The following IGF2BP2 variants were observed in gnomAD, a reference collection of about 807,000 sequenced individuals.
The protein encoded by IGF2BP2 is insulin-like growth factor 2 mRNA-binding protein 2.
In IGF2BP2, 17 loss-of-function variants were observed where a neutral mutation model predicts 75.8. That is an observed-to-expected ratio of 0.22 (90% CI 0.15 to 0.34). The LOEUF (loss-of-function observed/expected upper bound fraction) is 0.34. Ranked by LOEUF, IGF2BP2 falls within the 10% of genes least tolerant of loss-of-function variation. The probability of loss-of-function intolerance (pLI) is 1.00; values close to 1 mark genes in which losing one functional copy is unlikely to be tolerated. For missense variants in IGF2BP2, 516 were observed against 772.4 expected, an observed-to-expected ratio of 0.67 and a Z score of 3.93; for synonymous variants, 288 against 295.6, an observed-to-expected ratio of 0.97 and a Z score of 0.26.
chr3:185,672,750 C>T, intron 9 of IGF2BP2, 81 bp from the exon 10 acceptor site: 1 of 1,503,704 alleles, frequency 6.7e-7, no homozygotes, highest in South Asian at 1.2e-5. Context: ...CCTCTCTTGT[C>T]TTAATGGCAC....
chr3:185,685,253 C>A (rs1471961037), intron 7 of IGF2BP2, among the ~76,000 whole-genome samples: 3 of 151,406 alleles, frequency 2.0e-5, no homozygotes, highest in Non-Finnish European at 4.4e-5. Context: ...GAGGCTGAGG[C>A]AGGAGAATTG....
At chr3:185,703,428 T>G (rs1213404359) in intron 2 of IGF2BP2, among the ~76,000 whole-genome samples, 2 of 152,032 alleles carry the variant, frequency 1.3e-5, no homozygotes, top group Non-Finnish European at 2.9e-5. Context: ...TTGCTTAAAG[T>G]AAGGAGGCAA....
At chr3:185,658,190 C>T (rs879258801) in intron 11 of IGF2BP2, 151 bp downstream of exon 11, 12 of 736,818 alleles carry the variant, frequency 1.6e-5, no homozygotes, top group South Asian at 3.4e-5. Context: ...GGGAGTTTGG[C>T]GTGCTCAGGC....
intron 2 of IGF2BP2, among the ~76,000 whole-genome samples, chr3:185,783,960 C>T (rs1483001162): frequency 2.0e-5 from 3 of 152,140 alleles, no homozygotes; most frequent in East Asian, 1.9e-4. Context: ...AACAGCCTGG[C>T]GAGGTGGCTC....
At chr3:185,710,386 C>T (rs1010534284) in intron 2 of IGF2BP2, among the ~76,000 whole-genome samples, 1 of 152,066 alleles carries the variant, frequency 6.6e-6, no homozygotes, top group Non-Finnish European at 1.5e-5. Flanking sequence ...GCAGAGTCTG[C>T]CCCTTGGCCC....
intron 10 of IGF2BP2, among the ~76,000 whole-genome samples, chr3:185,665,598 A>G (rs1258602078): frequency 3.6e-5 from 4 of 112,286 alleles, no homozygotes; most frequent in Non-Finnish European, 3.8e-5. Context: ...AGAAGAAGAA[A>G]AGGAAGAAGA....
intron 2 of IGF2BP2, chr3:185,712,693 T>C (rs909507314): frequency 8.6e-5 from 13 of 151,988 alleles, no homozygotes; most frequent in African/African-American, 3.1e-4. Flanking sequence ...GTATCCCACA[T>C]GGACCTTAGG....
intron 10 of IGF2BP2, 116 bp from the exon 11 acceptor site, chr3:185,658,525 C>T: frequency 1.3e-6 from 1 of 789,538 alleles, no homozygotes; most frequent in Non-Finnish European, 2.1e-6. Flanking sequence ...GCTGGCTCCA[C>T]TGTCGTGTCT....
At chr3:185,718,320 T>G (rs1464234693) in intron 2 of IGF2BP2, among the ~76,000 whole-genome samples, 3 of 152,132 alleles carry the variant, frequency 2.0e-5, no homozygotes, top group Admixed American at 6.5e-5. Context: ...GTGGGGCAGA[T>G]AGTGAAGCTG....
intron 2 of IGF2BP2, among the ~76,000 whole-genome samples, chr3:185,742,478 A>G (rs922244410): frequency 4.6e-5 from 7 of 152,060 alleles, no homozygotes; most frequent in African/African-American, 1.7e-4. Flanking sequence ...CCTGGGCAAC[A>G]GAGTGAGACT....
At chr3:185,731,361 C>A (rs1282496792) in intron 2 of IGF2BP2, among the ~76,000 whole-genome samples, 1 of 151,920 alleles carries the variant, frequency 6.6e-6, no homozygotes, top group Non-Finnish European at 1.5e-5. Context: ...ATTCTCCCGC[C>A]TCAGCCTCCC....
At chr3:185,718,564 G>T (rs141488954) in intron 2 of IGF2BP2, among the ~76,000 whole-genome samples, 2 of 151,450 alleles carry the variant, frequency 1.3e-5, no homozygotes, top group African/African-American at 4.9e-5. Flanking sequence ...ACGTGCCTAT[G>T]GTCTCAGCTA....
chr3:185,690,027 T>A (rs181831845), intron 5 of IGF2BP2, among the ~76,000 whole-genome samples: 3 of 151,162 alleles, frequency 2.0e-5, no homozygotes, highest in Admixed American at 2.0e-4. Context: ...TCCCATTTAA[T>A]AGGTGCCTAT....
intron 2 of IGF2BP2, among the ~76,000 whole-genome samples, chr3:185,792,684 C>T (rs1199372166): frequency 2.0e-5 from 3 of 150,426 alleles, no homozygotes; most frequent in East Asian, 1.9e-4. Context: ...GAGAATTGTT[C>T]GAACCCCGGA....
At chr3:185,739,740 G>A (rs1198297790) in intron 2 of IGF2BP2, among the ~76,000 whole-genome samples, 4 of 152,244 alleles carry the variant, frequency 2.6e-5, no homozygotes, top group South Asian at 2.1e-4. Context: ...ATCTGCCACC[G>A]TGCTTAAGAC....
intron 2 of IGF2BP2, among the ~76,000 whole-genome samples, chr3:185,715,742 C>A (rs1023997031): frequency 6.6e-6 from 1 of 152,034 alleles, no homozygotes; most frequent in Non-Finnish European, 1.5e-5. Context: ...CTTCCAGGTT[C>A]AAGAGATTCC....
At chr3:185,760,708 T>C (rs1732249613) in intron 2 of IGF2BP2, among the ~76,000 whole-genome samples, 1 of 152,154 alleles carries the variant, frequency 6.6e-6, no homozygotes, top group African/African-American at 2.4e-5. Context: ...TCCTGGGAGA[T>C]ACGAGGAATA....
intron 10 of IGF2BP2, among the ~76,000 whole-genome samples, chr3:185,665,197 A>AAGGAGAAGAAGGAGAAGGAAGAGGAGG (rs1717124902): frequency 6.9e-6 from 1 of 145,896 alleles, no homozygotes; most frequent in African/African-American, 2.6e-5. Flanking sequence ...AGAGGAGAAG[A>AAGGAGAAGAAGGAGAAGGAAGAGGAGG]AGGAGAAGAA....
chr3:185,649,905 G>C (rs1223256849), intron 13 of IGF2BP2, among the ~76,000 whole-genome samples: 1 of 152,076 alleles, frequency 6.6e-6, no homozygotes, highest in Non-Finnish European at 1.5e-5. Context: ...TTTGTTCAGG[G>C]GATTCTTATC....
Sources: allele counts gnomAD v4.1 joint callset (sites outside exome capture counted in the v4.1 genomes callset), GRCh38; gene constraint gnomAD v4.1.1; transcripts MANE v1.5; gene names NCBI Gene and HGNC (gene_info 2026-07-23, HGNC 2026-07-21).